The following CERKL variants were observed in gnomAD, a reference collection of about 807,000 sequenced individuals.
The protein encoded by CERKL is ceramide kinase-like protein.
A neutral mutation model predicts 63.4 loss-of-function variants in CERKL; 61 were observed. The ratio of observed to expected loss-of-function variants is 0.96; its 90% CI spans 0.78 to 1.19. CERKL has a LOEUF of 1.19. Ranked by LOEUF, CERKL falls within the 50% of genes most tolerant of loss-of-function variation. The pLI, the probability that CERKL is intolerant of heterozygous loss-of-function variation, is 0.00. For missense variants in CERKL, 675 were observed against 655.5 expected, an observed-to-expected ratio of 1.03 and a Z score of -0.33; for synonymous variants, 250 against 230.5, an observed-to-expected ratio of 1.08 and a Z score of -0.77.
chr2:181,545,670 G>GA (rs1687695819), intron 10 of CERKL, among the ~76,000 whole-genome samples: 1 of 152,194 alleles, frequency 6.6e-6, no homozygotes, highest in Non-Finnish European at 1.5e-5. Flanking sequence ...GGCACACAGA[G>GA]AAAAAATGGT....
chr2:181,604,014 T>C lies in CERKL; in HGVS notation c.304A>G (p.Lys102Glu). The change falls in exon 2 of 13, where the codon AAA becomes GAA. Residue 102 changes from lysine to glutamate, a missense_variant. Coordinates refer to ENST00000410087, the MANE Select transcript of CERKL (RefSeq NM_201548.5). ...FIELKDIFSV[K>E]LKRRCSVKQQ... ...TTAACAGAACAACGCCGTTTCAGTT[T>C]CACAGAGAATATGTCTTTGAGTTCA... 6.2e-7 allele frequency: 1 copy of C among 1,612,184 alleles called. No individual in the cohort carries two copies. Among genetic ancestry groups the C allele is most frequent in the Non-Finnish European group, 8.5e-7 (1 of 1,178,614 alleles).
intron 1 of CERKL, among the ~76,000 whole-genome samples, chr2:181,641,346 CATATAT>C (rs1299406156): frequency 0.11 from 1,238 of 10,986 alleles, 32 homozygotes; most frequent in African/African-American, 0.26. Context: ...TATATATATA[CATATAT>C]ATACACATAT....
At chr2:181,542,244 G>A (rs569401456) in intron 11 of CERKL, among the ~76,000 whole-genome samples, 5 of 152,264 alleles carry the variant, frequency 3.3e-5, no homozygotes, top group African/African-American at 1.2e-4. Flanking sequence ...ACACAGAGAT[G>A]GGGAAGGAAC....
At chr2:181,584,577 A>C (rs755917982) in intron 2 of CERKL, among the ~76,000 whole-genome samples, 1 of 151,988 alleles carries the variant, frequency 6.6e-6, no homozygotes, top group Non-Finnish European at 1.5e-5. Flanking sequence ...AGCCAGTTCT[A>C]TCTGGAAAAA....
intron 1 of CERKL, among the ~76,000 whole-genome samples, chr2:181,636,436 C>A (rs1204124101): frequency 1.3e-5 from 2 of 151,646 alleles, no homozygotes; most frequent in Non-Finnish European, 2.9e-5. Flanking sequence ...GTGTGGAGCC[C>A]ATTTATAATC....
chr2:181,537,104 TTA>T lies in CERKL; in HGVS notation c.*1078_*1079del, dbSNP rs1057226047. On this transcript the variant is annotated 3_prime_UTR_variant, in exon 13 of 13. Transcript: ENST00000410087. ...GAGTGTGTATACACAGGAATAAACT[TTA>T]TGACATTTATGTATTTTTAAAAAAC... 5.1e-5 allele frequency: 23 copies of T among 452,600 alleles called. No homozygotes were observed. The highest frequency in any genetic ancestry group is 3.6e-4 in the African/African-American group (18 of 49,794). The allele number at this position is 452,600 out of a possible 1,614,324, so 28.0% of individuals were successfully genotyped here.
At chr2:181,617,700 G>T (rs1248041648) in intron 1 of CERKL, among the ~76,000 whole-genome samples, 1 of 152,060 alleles carries the variant, frequency 6.6e-6, no homozygotes, top group Admixed American at 6.6e-5. Flanking sequence ...AAAATCATAC[G>T]TGGGCAAAAT....
intron 1 of CERKL, among the ~76,000 whole-genome samples, chr2:181,622,489 A>G (rs1021593435): frequency 6.6e-6 from 1 of 152,228 alleles, no homozygotes; most frequent in East Asian, 1.9e-4. Context: ...CACTATATTT[A>G]AAAGAACATT....
At position 181,633,709 on chromosome 2, in the gene CERKL, T is replaced by G. The variant is rs992845323; in HGVS notation, c.238+23060A>C. ...CTCAATTGTTGCTTTTCAGTCAAGATCATGAAAAGCAAGTAAAAGAAGGGA... is the reference window on the plus strand; with the variant it reads ...CTCAATTGTTGCTTTTCAGTCAAGAGCATGAAAAGCAAGTAAAAGAAGGGA... On this transcript the variant is annotated intron_variant, in intron 1 of 12. Transcript: ENST00000410087. Among the ~76,000 whole-genome samples the G allele has an allele frequency of 1.6e-4, 24 of 152,274 alleles. 1 individual carries two copies. In the Middle Eastern group the frequency reaches 0.01, roughly 65 times the overall value.
intron 4 of CERKL, among the ~76,000 whole-genome samples, chr2:181,562,580 C>T (rs1688494694): frequency 6.6e-6 from 1 of 152,164 alleles, no homozygotes; most frequent in Non-Finnish European, 1.5e-5. Context: ...ACTTGTGTCA[C>T]TCTAAAACAT....
rs527290310 is a variant in CERKL, at chr2:181,644,001, T to C, written c.238+12768A>G. On this transcript the variant is annotated intron_variant, in intron 1 of 12. Transcript: ENST00000410087. ...GATGTCCCAAAAGTTTTTCCTTGGT[T>C]GAGATGTAAAACAATGCCAACAGGT... 1.2e-3 allele frequency among the ~76,000 whole-genome samples: 181 copies of C among 152,372 alleles called. 1 individual carries two copies. Among genetic ancestry groups the C allele is most frequent in the Non-Finnish European group, 1.5e-3 (101 of 68,038 alleles).
intron 11 of CERKL, among the ~76,000 whole-genome samples, chr2:181,541,885 C>T (rs547107261): frequency 1.7e-4 from 26 of 152,130 alleles, no homozygotes; most frequent in Non-Finnish European, 1.8e-4. Context: ...AAGATAAGGT[C>T]GGCTGTAGAC....
rs1276103075 is a variant in CERKL, at chr2:181,537,380, T to A, written c.*804A>T. The A allele has an allele frequency of 4.4e-6, 2 of 453,636 alleles. No individual in the cohort carries two copies. The highest frequency in any genetic ancestry group is 2.4e-5 in the Admixed American group (1 of 42,518). 28.1% of individuals were successfully genotyped at this position (453,636 alleles called of 1,614,324 possible). ...ATACAAGGGGAACACAATTACATATTGGGCTAGATTTTGCCCAGTTCAAAA... is the reference window on the plus strand; with the variant it reads ...ATACAAGGGGAACACAATTACATATAGGGCTAGATTTTGCCCAGTTCAAAA... On this transcript the variant is annotated 3_prime_UTR_variant, in exon 13 of 13. Coordinates refer to ENST00000410087, the MANE Select transcript of CERKL (RefSeq NM_201548.5).
rs887793689 is a variant in CERKL at position 181,573,721 on chromosome 2, G to C, written c.613+32C>G. 6 of 1,596,614 alleles carry C rather than the reference G, an allele frequency of 3.8e-6. 1 individual carries two copies. The highest frequency in any genetic ancestry group is 5.1e-6 in the Non-Finnish European group (6 of 1,165,908). On this transcript the variant is annotated intron_variant, in intron 3 of 12. Coordinates refer to ENST00000410087, the MANE Select transcript of CERKL (RefSeq NM_201548.5). The stretch of plus-strand genomic sequence containing the variant: ...TATTTTGCTTTTGTATGTTTTTGTA[G>C]ATGGTGAAATTATATTCTGAAAATT...
intron 1 of CERKL, among the ~76,000 whole-genome samples, chr2:181,605,658 GA>G (rs1392784794): frequency 6.6e-6 from 1 of 151,814 alleles, no homozygotes; most frequent in Non-Finnish European, 1.5e-5. Context: ...TACAGGAATA[GA>G]AAAAAAATTC....
chr2:181,648,459 A>G (rs1324340653), intron 1 of CERKL, among the ~76,000 whole-genome samples: 2 of 152,192 alleles, frequency 1.3e-5, no homozygotes, highest in East Asian at 3.8e-4. Flanking sequence ...CAGCAAAACT[A>G]TCCTGGAGGA....
At chr2:181,634,793 C>G (rs1687104355) in intron 1 of CERKL, among the ~76,000 whole-genome samples, 1 of 152,104 alleles carries the variant, frequency 6.6e-6, no homozygotes, top group Non-Finnish European at 1.5e-5. Context: ...ATGTCCTATA[C>G]CCGCTAGTTA....
Position 181,548,723 on chromosome 2 carries a change from G to T in CERKL, c.1030C>A (p.Gln344Lys). The T allele has an allele frequency of 6.2e-7, 1 of 1,614,024 alleles. No individual in the cohort carries two copies. Among genetic ancestry groups the T allele is most frequent in the Non-Finnish European group, 8.5e-7 (1 of 1,179,942 alleles). ...TTAACAACAGCAAAATCTCTCCGTTGGTTAGGGGACATCCATCGATATTTT... is the reference window on the plus strand; with the variant it reads ...TTAACAACAGCAAAATCTCTCCGTTTGTTAGGGGACATCCATCGATATTTT... ...AEKYRWMSPNQRRDFAVVKAL... is the reference protein window; with the variant it reads ...AEKYRWMSPNKRRDFAVVKAL... Residue 344 changes from glutamine to lysine, a missense_variant, in exon 7 of 13, where the codon CAA becomes AAA. By Grantham distance (53) the Gln-to-Lys change is moderately conservative. Transcript: ENST00000410087.
At chr2:181,581,704 T>A (rs1255314294) in intron 2 of CERKL, among the ~76,000 whole-genome samples, 1 of 152,228 alleles carries the variant, frequency 6.6e-6, no homozygotes, top group African/African-American at 2.4e-5. Context: ...GCAAATCCAA[T>A]GCAATCAACC....
Sources: allele counts gnomAD v4.1 joint callset (sites outside exome capture counted in the v4.1 genomes callset), GRCh38; gene constraint gnomAD v4.1.1; transcripts MANE v1.5; gene names NCBI Gene and HGNC (gene_info 2026-07-23, HGNC 2026-07-21).